SASH1: variants seen among roughly 807,000 people sequenced by gnomAD.
SASH1 encodes SAM and SH3 domain containing 1.
In SASH1, 44 loss-of-function variants were observed where a neutral mutation model predicts 125.2. The observed-to-expected ratio is 0.35, with a 90% CI of 0.28 to 0.45. SASH1 has a LOEUF of 0.45. SASH1 is among the 20% of genes least tolerant of loss of function. The pLI, the probability that SASH1 is intolerant of heterozygous loss-of-function variation, is 1.00. For missense variants in SASH1, 1,426 were observed against 1,614.5 expected, an observed-to-expected ratio of 0.88 and a Z score of 2.00; for synonymous variants, 639 against 649.1, an observed-to-expected ratio of 0.98 and a Z score of 0.24.
At chr6:148,394,950 T>C (rs946102480) in intron 2 of SASH1, among the ~76,000 whole-genome samples, 1 of 152,196 alleles carries the variant, frequency 6.6e-6, no homozygotes, top group Non-Finnish European at 1.5e-5. Flanking sequence ...GGCCAGTTTC[T>C]TTCTATGTTT....
chr6:148,514,881 AG>A (rs1203456872), intron 9 of SASH1, among the ~76,000 whole-genome samples: 1 of 152,224 alleles, frequency 6.6e-6, no homozygotes, highest in Non-Finnish European at 1.5e-5. Context: ...CTAACAATCA[AG>A]GCACCTAATA....
the SASH1 span, among the ~76,000 whole-genome samples, chr6:148,237,831 C>G: frequency 6.6e-6 from 1 of 152,176 alleles, no homozygotes. Context: ...CCTGAAAATA[C>G]CTGGCCCTCC....
chr6:148,228,668 T>C, the SASH1 span, among the ~76,000 whole-genome samples: 1 of 152,234 alleles, frequency 6.6e-6, no homozygotes, highest in Admixed American at 6.5e-5. Context: ...CAAGGTGTTC[T>C]TCAAGTGAGC....
intron 1 of SASH1, among the ~76,000 whole-genome samples, chr6:148,378,603 G>A (rs911586061): frequency 6.6e-6 from 1 of 152,136 alleles, no homozygotes; most frequent in African/African-American, 2.4e-5. Flanking sequence ...CAAGTGATCC[G>A]CCTGCCTTAA....
At chr6:148,435,145 G>A (rs557481653) in intron 2 of SASH1, among the ~76,000 whole-genome samples, 2 of 152,168 alleles carry the variant, frequency 1.3e-5, no homozygotes, top group African/African-American at 4.8e-5. Flanking sequence ...GATGGATCCC[G>A]AGGTCGGAAG....
chr6:148,437,647 G>C (rs755775709), intron 2 of SASH1, among the ~76,000 whole-genome samples: 1 of 152,234 alleles, frequency 6.6e-6, no homozygotes, highest in Non-Finnish European at 1.5e-5. Flanking sequence ...GCACAAGACG[G>C]CATTGCGTGA....
the SASH1 span, among the ~76,000 whole-genome samples, chr6:148,244,801 C>T: frequency 2.0e-5 from 3 of 152,156 alleles, no homozygotes; most frequent in Non-Finnish European, 4.4e-5. Context: ...GAAAAGCCAC[C>T]TGACAGAGTG....
At chr6:148,377,606 A>C (rs1782964959) in intron 1 of SASH1, among the ~76,000 whole-genome samples, 1 of 152,236 alleles carries the variant, frequency 6.6e-6, no homozygotes, top group Admixed American at 6.5e-5. Flanking sequence ...CTTTTGGGAC[A>C]AGTCACTCAA....
chr6:148,288,993 TTTTC>T (rs1384921798), intron 1 of SASH1, among the ~76,000 whole-genome samples: 5 of 151,604 alleles, frequency 3.3e-5, no homozygotes, highest in Admixed American at 2.6e-4. Context: ...CTTTTTCTTT[TTTTC>T]TTTCTTTTTT....
At chr6:148,268,464 GAA>G (rs1173248888), upstream of SASH1, among the ~76,000 whole-genome samples, 2 of 152,090 alleles carry the variant, frequency 1.3e-5, no homozygotes, top group African/African-American at 2.4e-5. Flanking sequence ...AAAATATCAA[GAA>G]AAAATGTAAT....
intron 1 of SASH1, among the ~76,000 whole-genome samples, chr6:148,384,664 A>G (rs1166919014): frequency 2.6e-5 from 4 of 152,242 alleles, no homozygotes; most frequent in Non-Finnish European, 5.9e-5. Flanking sequence ...GTCTGTAGCT[A>G]TCTCAAGGAA....
intron 2 of SASH1, among the ~76,000 whole-genome samples, chr6:148,396,258 C>G (rs1783942957): frequency 6.6e-6 from 1 of 151,984 alleles, no homozygotes; most frequent in South Asian, 2.1e-4. Flanking sequence ...GCGGGCAGAT[C>G]ACTTGAGGTC....
the SASH1 span, among the ~76,000 whole-genome samples, chr6:148,253,605 G>C: frequency 6.6e-6 from 1 of 152,210 alleles, no homozygotes. Flanking sequence ...GGGTGCGGTG[G>C]CTGATGCCTG....
the SASH1 span, among the ~76,000 whole-genome samples, chr6:148,260,919 C>T: frequency 7.3e-4 from 111 of 151,284 alleles, no homozygotes; most frequent in African/African-American, 2.7e-3. Context: ...ATTCTCCTGC[C>T]TCAGCCTCCC....
chr6:148,344,056 G>C (rs1168506134), intron 1 of SASH1, among the ~76,000 whole-genome samples: 1 of 152,178 alleles, frequency 6.6e-6, no homozygotes, highest in African/African-American at 2.4e-5. Context: ...GATTTGCTTT[G>C]AGATCTTATA....
chr6:148,195,368 A>G, the SASH1 span, among the ~76,000 whole-genome samples: 1 of 152,246 alleles, frequency 6.6e-6, no homozygotes. Flanking sequence ...GGGACTGGGC[A>G]GAGGCCGATG....
chr6:148,481,020 A>AT (rs1294913767), intron 7 of SASH1, among the ~76,000 whole-genome samples: 2 of 150,892 alleles, frequency 1.3e-5, no homozygotes, highest in African/African-American at 4.8e-5. Context: ...ATTAGTAAAA[A>AT]TGTTGCTTAG....
chr6:148,386,333 A>T (rs2114802884), intron 1 of SASH1, among the ~76,000 whole-genome samples: 1 of 152,336 alleles, frequency 6.6e-6, no homozygotes, highest in Non-Finnish European at 1.5e-5. Flanking sequence ...AATTACATAA[A>T]TAATATATAA....
intron 1 of SASH1, among the ~76,000 whole-genome samples, chr6:148,387,617 T>TC (rs1562371180): frequency 2.6e-4 from 11 of 42,574 alleles, no homozygotes; most frequent in Non-Finnish European, 3.6e-4. Context: ...TCTTTCTTTC[T>TC]TTCTTTCTTT....
Sources: allele counts gnomAD v4.1 joint callset (sites outside exome capture counted in the v4.1 genomes callset), GRCh38; gene constraint gnomAD v4.1.1; transcripts MANE v1.5; gene names NCBI Gene and HGNC (gene_info 2026-07-23, HGNC 2026-07-21).